The following ARID1B variants were observed in gnomAD, a reference collection of about 807,000 sequenced individuals.
The protein encoded by ARID1B is AT-rich interaction domain 1B.
Under a neutral mutation model 212.3 loss-of-function variants are expected in ARID1B, and 30 were observed. The ratio of observed to expected loss-of-function variants is 0.14; its 90% CI spans 0.11 to 0.19. The LOEUF (loss-of-function observed/expected upper bound fraction) is 0.19. ARID1B is among the 10% of genes least tolerant of loss of function. ARID1B has a pLI of 1.00. For synonymous variants in ARID1B, 1,402 were observed against 1,301.7 expected (o/e 1.08, Z -1.66); for missense variants, 2,891 against 3,204.0 (o/e 0.90, Z 2.36).
At chr6:156,861,325 G>C (rs1435480199) in intron 2 of ARID1B, among the ~76,000 whole-genome samples, 1 of 152,232 alleles carries the variant, frequency 6.6e-6, no homozygotes, top group Non-Finnish European at 1.5e-5. Flanking sequence ...ACCAGGCCAG[G>C]CGTGGTGGTT....
chr6:156,822,010 CTTT>C (rs112926597), intron 1 of ARID1B, among the ~76,000 whole-genome samples: 7 of 146,500 alleles, frequency 4.8e-5, no homozygotes, highest in Non-Finnish European at 1.1e-4. Context: ...TGTCTAATAT[CTTT>C]TTTTTTTTTC....
At position 157,210,439 on chromosome 6, in the gene ARID1B, T is replaced by TA. The variant is rs1467111138; in HGVS notation, c.*2549dup. ...TTGTTATGGTTTGCATTGTAACCGA[T>TA]ACGCAGAGTCTGACCGTTGGGCAAC... On this transcript the variant is annotated 3_prime_UTR_variant, in exon 20 of 20. Coordinates refer to ENST00000636930, the MANE Select transcript of ARID1B (RefSeq NM_001374828.1). The TA allele has an allele frequency of 6.5e-5, 15 of 231,260 alleles. No homozygotes were observed. Among genetic ancestry groups the TA allele is most frequent in the Non-Finnish European group, 1.2e-4 (14 of 117,116 alleles). The allele number at this position is 231,260 out of a possible 1,614,324, so 14.3% of individuals were successfully genotyped here. A position where few individuals can be genotyped will look rare whatever the true frequency, so the allele number is the denominator to read the frequency against.
chr6:157,173,800 T>G (rs1479677563), intron 9 of ARID1B: 1 of 481,038 alleles, frequency 2.1e-6, no homozygotes, highest in African/African-American at 1.9e-5. Context: ...TGACTGCCCT[T>G]TTTTTTAGAT....
At chr6:156,846,802 G>T (rs1784263929) in intron 2 of ARID1B, among the ~76,000 whole-genome samples, 1 of 152,118 alleles carries the variant, frequency 6.6e-6, no homozygotes, top group Non-Finnish European at 1.5e-5. Context: ...CAGGACAGGT[G>T]GGGATTGGGA....
chr6:156,911,559 T>A (rs540741843), intron 3 of ARID1B, among the ~76,000 whole-genome samples: 184 of 152,340 alleles, frequency 1.2e-3, no homozygotes, highest in African/African-American at 4.2e-3. Flanking sequence ...ATGTGTTATA[T>A]ATGTCCTTAA....
intron 4 of ARID1B, among the ~76,000 whole-genome samples, chr6:156,958,764 T>TAAA (rs71779354): frequency 5.3e-5 from 8 of 151,614 alleles, no homozygotes; most frequent in Non-Finnish European, 1.0e-4. Context: ...TAATTTCTGC[T>TAAA]AAAAAAAAGC....
chr6:157,187,122 G>A (rs558702640), intron 13 of ARID1B, among the ~76,000 whole-genome samples: 19 of 152,260 alleles, frequency 1.2e-4, no homozygotes, highest in African/African-American at 4.1e-4. Flanking sequence ...TGCCAGTGGC[G>A]ATCTTGTTAT....
chr6:157,170,504 C>T (rs577419582), intron 9 of ARID1B, among the ~76,000 whole-genome samples: 5 of 152,246 alleles, frequency 3.3e-5, no homozygotes, highest in African/African-American at 1.2e-4. Context: ...TGCCCTCCCA[C>T]CATATACAAA....
At position 156,778,399 on chromosome 6, in the gene ARID1B, C is replaced by A. The variant is rs1375043876; in HGVS notation, c.719C>A (p.Pro240Gln). 1 of 1,533,426 alleles carries A rather than the reference C, an allele frequency of 6.5e-7. No individual in the cohort carries two copies. Among genetic ancestry groups the A allele is most frequent in the African/African-American group, 1.4e-5 (1 of 72,434 alleles). The allele number at this position is 1,533,426 out of a possible 1,614,324, so 95.0% of individuals were successfully genotyped here. Residue 240 changes from proline to glutamine, a missense_variant, in exon 1 of 20, where the codon CCG becomes CAG. By Grantham distance (76) the Pro-to-Gln change is moderately conservative (BLOSUM62 -1). Around this residue, in one of 7 missense-constraint regions of ARID1B, gnomAD observed 1,643 missense variants for 1,544.0 expected, o/e 1.06. Transcript: ENST00000636930. ...CAGCCCGGCCCCGACATGGAGCAGC[C>A]GCAACATGGAGGCGCCAAGGACAGT... is the stretch of plus-strand genomic sequence containing the variant. The part of the protein sequence containing the change: ...APQPGPDMEQ[P>Q]QHGGAKDSAA...
rs1460879073 is a variant in ARID1B, at chr6:157,207,467, A to G, written c.6695A>G (p.Glu2232Gly). The G allele has an allele frequency of 1.2e-6, 2 of 1,614,144 alleles. No individual in the cohort carries two copies. The highest frequency in any genetic ancestry group is 2.2e-5 in the South Asian group (2 of 91,086). ...ILATPPFSRQEKFYATLVRYV... is the reference protein window; with the variant it reads ...ILATPPFSRQGKFYATLVRYV... ...GCCACTCCTCCATTTAGTCGTCAGG[A>G]GAAATTCTATGCTACATTAGTTAGG... is the stretch of plus-strand genomic sequence containing the variant. Residue 2232 changes from glutamate (E) to glycine (G), a missense_variant, in exon 20 of 20, where the codon GAG becomes GGG. Coordinates refer to ENST00000636930, the MANE Select transcript of ARID1B (RefSeq NM_001374828.1). This position sits in a 1 kb window ranked among gnomAD's most constrained non-coding sequence, Gnocchi z 8.5.
At chr6:156,909,445 G>A (rs2128223752) in intron 3 of ARID1B, among the ~76,000 whole-genome samples, 1 of 152,254 alleles carries the variant, frequency 6.6e-6, no homozygotes, top group Non-Finnish European at 1.5e-5. Context: ...TTATATAACA[G>A]CAGCTCTGTT....
chr6:156,856,360 G>T (rs1468003190), intron 2 of ARID1B, among the ~76,000 whole-genome samples: 1 of 152,180 alleles, frequency 6.6e-6, no homozygotes, highest in African/African-American at 2.4e-5. Context: ...ACCTCCCACT[G>T]TGTGCCATGT....
At chr6:156,894,132 T>C (rs1028610291) in intron 2 of ARID1B, among the ~76,000 whole-genome samples, 1 of 152,104 alleles carries the variant, frequency 6.6e-6, no homozygotes, top group Admixed American at 6.5e-5. Context: ...ACAACATGGA[T>C]GAACCTTGAA....
chr6:156,799,226 T>C (rs2115317671), intron 1 of ARID1B, among the ~76,000 whole-genome samples: 1 of 152,346 alleles, frequency 6.6e-6, no homozygotes, highest in Admixed American at 6.5e-5. Context: ...TGCCAAGCAC[T>C]GTGCTAAGAA....
intron 4 of ARID1B, among the ~76,000 whole-genome samples, chr6:157,025,223 T>G (rs990372220): frequency 2.6e-5 from 4 of 152,244 alleles, no homozygotes; most frequent in African/African-American, 9.7e-5. Flanking sequence ...TCTAGAACAC[T>G]TTCTCAGAAC....
chr6:157,199,449 T>TA (rs1467729564), intron 17 of ARID1B, among the ~76,000 whole-genome samples: 2 of 152,036 alleles, frequency 1.3e-5, no homozygotes, highest in African/African-American at 4.8e-5. Context: ...ATCTCCCCCT[T>TA]ACAGTGACCA....
chr6:157,192,370 C>G (rs1310185775), intron 15 of ARID1B, among the ~76,000 whole-genome samples: 13 of 152,022 alleles, frequency 8.6e-5, no homozygotes, highest in Non-Finnish European at 5.9e-5. Context: ...GTCCTCATGC[C>G]TAGAATTTCT....
chr6:156,820,045 G>A (rs1490342997), intron 1 of ARID1B, among the ~76,000 whole-genome samples: 1 of 152,162 alleles, frequency 6.6e-6, no homozygotes, highest in East Asian at 1.9e-4. Flanking sequence ...ATATCTGGGT[G>A]GATGGGGTGT....
chr6:156,789,721 G>A lies in ARID1B; in HGVS notation c.1791+10250G>A, dbSNP rs1779887702. 2.0e-5 allele frequency among the ~76,000 whole-genome samples: 3 copies of A among 152,202 alleles called. No homozygotes were observed. In the South Asian group the frequency reaches 6.2e-4, roughly 31 times the overall value. On this transcript the variant is annotated intron_variant, in intron 1 of 19. Transcript: ENST00000636930. Reference sequence around the variant, plus strand: ...CAAGGGCTAGAGCCAAAAGCTGGCAGGTTAGAGAGCACTGGAAGATTATGC... The same window carrying A: ...CAAGGGCTAGAGCCAAAAGCTGGCAAGTTAGAGAGCACTGGAAGATTATGC...
Sources: gnomAD v4.1 joint callset for allele counts (sites outside exome capture counted in the v4.1 genomes callset) on GRCh38, gnomAD v4.1.1 for gene constraint, gnomAD v4.1.1 regional missense constraint, Gnocchi (gnomAD v3.1) non-coding constraint, MANE v1.5 for transcripts, NCBI Gene and HGNC (gene_info 2026-07-23, HGNC 2026-07-21) for gene names.